CROT: variants seen among roughly 807,000 people sequenced by gnomAD.
CROT encodes the protein carnitine O-octanoyltransferase, also known as peroxisomal carnitine O-octanoyltransferase.
Under a neutral mutation model 89.2 loss-of-function variants are expected in CROT, and 84 were observed. The ratio of observed to expected loss-of-function variants is 0.94; its 90% CI spans 0.79 to 1.13. The LOEUF (loss-of-function observed/expected upper bound fraction) is 1.13. Among genes scored for constraint, CROT ranks in the 50% most tolerant of loss-of-function variants. The probability of loss-of-function intolerance (pLI) is 0.00; values close to 1 mark genes in which losing one functional copy is unlikely to be tolerated. For missense variants in CROT, 711 were observed against 727.8 expected (o/e 0.98, Z 0.27); for synonymous variants, 212 against 239.5 (o/e 0.89, Z 1.06).
At position 87,398,893 on chromosome 7, in the gene CROT, A is replaced by T; in HGVS notation, c.*249A>T. ...ATTATGACATAGTGAATATAGAACT[A>T]TGCAGTATTTAAGCCTCAACAATCC... On this transcript the variant is annotated 3_prime_UTR_variant, in exon 18 of 18. Coordinates refer to ENST00000331536, the MANE Select transcript of CROT (RefSeq NM_021151.4). 1 of 430,302 alleles carries T rather than the reference A, an allele frequency of 2.3e-6. No individual in the cohort carries two copies. The highest frequency in any genetic ancestry group is 4.1e-5 in the Admixed American group (1 of 24,562). 26.7% of individuals were successfully genotyped at this position (430,302 alleles called of 1,614,324 possible).
intron 13 of CROT, among the ~76,000 whole-genome samples, chr7:87,383,588 T>G (rs1160722624): frequency 6.6e-6 from 1 of 151,612 alleles, no homozygotes; most frequent in African/African-American, 2.4e-5. Flanking sequence ...CTCTACCTCC[T>G]GGGTTCAAGC....
chr7:87,394,869 A>G (rs1807475751), intron 17 of CROT, among the ~76,000 whole-genome samples: 1 of 152,156 alleles, frequency 6.6e-6, no homozygotes, highest in African/African-American at 2.4e-5. Context: ...TAAAAATGTC[A>G]AGATAACAGG....
chr7:87,385,488 G>A (rs1807158482), intron 13 of CROT, among the ~76,000 whole-genome samples: 1 of 151,956 alleles, frequency 6.6e-6, no homozygotes. Context: ...TTGTTTTTCA[G>A]ATTGTTTGCT....
At chr7:87,367,910 C>T (rs1218110212) in intron 6 of CROT, among the ~76,000 whole-genome samples, 1 of 152,224 alleles carries the variant, frequency 6.6e-6, no homozygotes, top group Non-Finnish European at 1.5e-5. Flanking sequence ...CATACCTTCT[C>T]TTCACCCTTG....
At chr7:87,373,488 C>A (rs768977636) in intron 7 of CROT, among the ~76,000 whole-genome samples, 1 of 151,894 alleles carries the variant, frequency 6.6e-6, no homozygotes, top group Non-Finnish European at 1.5e-5. Flanking sequence ...TCTAAGAAAC[C>A]ATTGCCTAAT....
intron 17 of CROT, among the ~76,000 whole-genome samples, chr7:87,394,516 C>A (rs1807462693): frequency 6.7e-6 from 1 of 149,802 alleles, no homozygotes; most frequent in African/African-American, 2.5e-5. Flanking sequence ...TGCATTTGCC[C>A]ATCATTTCAA....
At position 87,377,334 on chromosome 7, in the gene CROT, T is replaced by A. The variant is rs749099927; in HGVS notation, c.877-15T>A. 13 of 1,534,878 alleles carry A rather than the reference T, an allele frequency of 8.5e-6. No individual in the cohort carries two copies. Among genetic ancestry groups the A allele is most frequent in the South Asian group, 4.7e-5 (4 of 85,452 alleles). The stretch of plus-strand genomic sequence containing the variant: ...ATTAAACCCTTTTAATTTGGAAAAA[T>A]TAAATTTATTTTAGATTATTGCAGC... On this transcript the variant is annotated splice_polypyrimidine_tract_variant and intron_variant, in intron 9 of 17. Transcript: ENST00000331536.
At chr7:87,373,499 C>A (rs147189966) in intron 7 of CROT, among the ~76,000 whole-genome samples, 5 of 151,990 alleles carry the variant, frequency 3.3e-5, no homozygotes, top group African/African-American at 9.6e-5. Flanking sequence ...ATTGCCTAAT[C>A]TGAGGACATG....
rs112335848 is a variant in CROT, at chr7:87,353,949, G to A, written c.115+4766G>A. Among the ~76,000 whole-genome samples, 1,123 of 152,266 alleles carry A rather than the reference G, an allele frequency of 7.4e-3. 13 individuals carry two copies. The highest frequency in any genetic ancestry group is 0.025 in the African/African-American group (1,054 of 41,542). On this transcript the variant is annotated intron_variant, in intron 3 of 17. Transcript: ENST00000331536. ...ATGGTGATAATGGAGTTCATGGTGTGACTAAAAGCTGTAAAAAGATTCTAC... is the reference window on the plus strand; with the variant it reads ...ATGGTGATAATGGAGTTCATGGTGTAACTAAAAGCTGTAAAAAGATTCTAC...
At chr7:87,393,186 G>GT in intron 17 of CROT, 119 bp downstream of exon 17, 1 of 1,141,504 alleles carries the variant, frequency 8.8e-7, no homozygotes, top group Non-Finnish European at 1.2e-6. Context: ...TGCTACATAA[G>GT]TAACTATTTT....
At chr7:87,360,742 C>T (rs1039080999) in intron 4 of CROT, among the ~76,000 whole-genome samples, 26 of 152,214 alleles carry the variant, frequency 1.7e-4, no homozygotes, top group African/African-American at 5.1e-4. Flanking sequence ...TATTGATTAT[C>T]TATTATGCCC....
At chr7:87,365,903 C>G (rs1041675848) in intron 6 of CROT, among the ~76,000 whole-genome samples, 2 of 152,092 alleles carry the variant, frequency 1.3e-5, no homozygotes, top group Non-Finnish European at 2.9e-5. Context: ...CAGCACCTGG[C>G]CTGTTGTTTA....
rs1007699251 is a variant in CROT, at chr7:87,382,451, T to A, written c.1209T>A (p.Ser403=). ...DLQIAAYAFT[S]FGKKLTKNKM... is the part of the protein sequence containing the mutation. ...AGATTGCGGCTTATGCCTTTACATCTTTTGGCAAAAAGCTAACCAAGAACA... is the reference window on the plus strand; with the variant it reads ...AGATTGCGGCTTATGCCTTTACATCATTTGGCAAAAAGCTAACCAAGAACA... Residue 403 remains serine, a synonymous_variant, in exon 13 of 18, where the codon TCT becomes TCA. Transcript: ENST00000331536. 1.9e-6 allele frequency: 3 copies of A among 1,613,688 alleles called. No homozygotes were observed. The African/African-American group carries it at 4.0e-5, about 22-fold the overall frequency.
In CROT at chr7:87,353,149, A is replaced by C. The variant is rs76632452; in HGVS notation, c.115+3966A>C. ...TCCTTTAACGGATTTTTTTTCTTTT[A>C]TTTTTCTTTTTTTTTTGAAACATGG... On this transcript the variant is annotated intron_variant, in intron 3 of 17. Coordinates refer to ENST00000331536, the MANE Select transcript of CROT (RefSeq NM_021151.4). Among the ~76,000 whole-genome samples, 768 of 151,354 alleles carry C rather than the reference A, an allele frequency of 5.1e-3. 10 individuals carry two copies. The highest frequency in any genetic ancestry group is 0.027 in the South Asian group (130 of 4,780).
intron 3 of CROT, among the ~76,000 whole-genome samples, chr7:87,353,994 T>G (rs1242692310): frequency 6.6e-6 from 1 of 152,230 alleles, no homozygotes; most frequent in Non-Finnish European, 1.5e-5. Flanking sequence ...GTGATTAATT[T>G]TTATAACTTT....
At chr7:87,368,835 C>T (rs986698694) in intron 6 of CROT, among the ~76,000 whole-genome samples, 1 of 152,178 alleles carries the variant, frequency 6.6e-6, no homozygotes, top group Non-Finnish European at 1.5e-5. Context: ...CCAAAGAAAT[C>T]AGAGATAATC....
rs1026898795 is a variant in CROT at position 87,345,717 on chromosome 7, A to G, written c.-163A>G. ...AGGGGGAGCGAGCCGGTGCTGCTGC[A>G]GGCTGAGGCTGCGGCAGAGGCGGCG... is the stretch of plus-strand genomic sequence containing the variant. On this transcript the variant is annotated 5_prime_UTR_variant, in exon 1 of 18. Coordinates refer to ENST00000331536, the MANE Select transcript of CROT (RefSeq NM_021151.4). 8.5e-6 allele frequency: 3 copies of G among 353,352 alleles called. No homozygotes were observed. The Admixed American group carries it at 1.4e-4, about 17-fold the overall frequency. The allele number at this position is 353,352 out of a possible 1,614,324, so 21.9% of individuals were successfully genotyped here.
Position 87,375,708 on chromosome 7 carries a change from C to A in CROT, c.733C>A (p.Arg245=). 6.2e-7 allele frequency: 1 copy of A among 1,613,360 alleles called. No individual in the cohort carries two copies. The highest frequency in any genetic ancestry group is 1.1e-5 in the South Asian group (1 of 91,060). The change falls in exon 8 of 18, where the codon CGA becomes AGA. Residue 245 remains arginine (R), a synonymous_variant. Transcript: ENST00000331536. ...PGIAALTSEE[R]TRWAKAREYL... The stretch of plus-strand genomic sequence containing the variant: ...GATTGCAGCATTAACTAGTGAGGAG[C>A]GAACTCGATGGGCTAAGGTTCTGAT...
chr7:87,355,140 C>A (rs1431987327), intron 3 of CROT, among the ~76,000 whole-genome samples: 1 of 151,796 alleles, frequency 6.6e-6, no homozygotes, highest in African/African-American at 2.4e-5. Flanking sequence ...CGCTCTCTTG[C>A]CCAGGCTAGA....
Sources: allele counts gnomAD v4.1 joint callset (sites outside exome capture counted in the v4.1 genomes callset), GRCh38; gene constraint gnomAD v4.1.1; transcripts MANE v1.5; gene names NCBI Gene and HGNC (gene_info 2026-07-23, HGNC 2026-07-21).